SDK2: variants seen among roughly 807,000 people sequenced by gnomAD.
SDK2 encodes the protein sidekick cell adhesion molecule 2, also known as protein sidekick-2.
A neutral mutation model predicts 253.9 loss-of-function variants in SDK2; 105 were observed. The observed-to-expected ratio is 0.41, with a 90% CI of 0.35 to 0.49. SDK2 has a LOEUF of 0.49. Among genes scored for constraint, SDK2 ranks in the 20% least tolerant of loss-of-function variants. The pLI is 0.06. For synonymous variants in SDK2, 1,249 were observed against 1,234.9 expected (o/e 1.01, Z -0.24); for missense variants, 2,608 against 3,003.0 (o/e 0.87, Z 3.07).
At chr17:73,423,803 G>A (rs896929847) in intron 13 of SDK2, 113 bp downstream of exon 13, 19 of 933,708 alleles carry the variant, frequency 2.0e-5, no homozygotes, top group Non-Finnish European at 4.7e-6. Flanking sequence ...AAGCTGAACA[G>A]TTCAGGTCAC....
In SDK2 at chr17:73,642,774, G is replaced by A. The variant is rs541855485; in HGVS notation, c.64+1251C>T. 6.6e-6 allele frequency among the ~76,000 whole-genome samples: 1 copy of A among 152,270 alleles called. No individual in the cohort carries two copies. The highest frequency in any genetic ancestry group is 6.5e-5 in the Admixed American group (1 of 15,306). On this transcript the variant is annotated intron_variant, in intron 1 of 44. Transcript: ENST00000392650. The surrounding 1 kb of genome is among the most constrained non-coding windows in gnomAD (Gnocchi z 4.7). ...TTATTACCCTACATTTATAGGGCTC[G>A]TTACAAAATTTCGAAGTGCTTTTAT...
chr17:73,522,400 G>A lies in SDK2; in HGVS notation c.65-14803C>T, dbSNP rs567857475. On this transcript the variant is annotated intron_variant, in intron 1 of 44. Coordinates refer to ENST00000392650, the MANE Select transcript of SDK2 (RefSeq NM_001144952.2). ...CCCACCTGCTTGGGGAAGCAGAGGA[G>A]TCTGCTGAAGGGGGGCAGTTGGTGG... Among the ~76,000 whole-genome samples the A allele has an allele frequency of 7.2e-5, 11 of 152,248 alleles. No homozygotes were observed. In the South Asian group the frequency reaches 1.4e-3, roughly 20 times the overall value.
At position 73,481,861 on chromosome 17, in the gene SDK2, G is replaced by A. The variant is rs1371613815; in HGVS notation, c.225-9643C>T. 6.6e-6 allele frequency among the ~76,000 whole-genome samples: 1 copy of A among 152,178 alleles called. No individual in the cohort carries two copies. Among genetic ancestry groups the A allele is most frequent in the Non-Finnish European group, 1.5e-5 (1 of 68,036 alleles). ...GTTTCCAGCTTGCAGGCGGCAGTTG[G>A]TGTTCTTGGCTGGCCTCCATAACCA... On this transcript the variant is annotated intron_variant, in intron 2 of 44. Transcript: ENST00000392650. The surrounding 1 kb of genome is among the most constrained non-coding windows in gnomAD (Gnocchi z 4.5).
chr17:73,383,054 T>C lies in SDK2; in HGVS notation c.4705+822A>G, dbSNP rs1211954887. On this transcript the variant is annotated intron_variant, in intron 33 of 44. Transcript: ENST00000392650. The surrounding 1 kb of genome is among the most constrained non-coding windows in gnomAD (Gnocchi z 4.3). ...AAAAAACCCAAAAAACAAAAAAACC[T>C]CAAGTCCTGGAGCATCTGCGCCCAT... Among the ~76,000 whole-genome samples the C allele has an allele frequency of 6.6e-6, 1 of 151,910 alleles. No homozygotes were observed. The highest frequency in any genetic ancestry group is 1.5e-5 in the Non-Finnish European group (1 of 67,984).
At chr17:73,513,095 G>C (rs957003242) in intron 1 of SDK2, among the ~76,000 whole-genome samples, 1 of 151,464 alleles carries the variant, frequency 6.6e-6, no homozygotes. Flanking sequence ...AGCTCCAAAA[G>C]GTCATAAAAC....
rs1372715490 is a variant in SDK2, at chr17:73,447,157, C to G, written c.613+458G>C. On this transcript the variant is annotated intron_variant, in intron 5 of 44. Transcript: ENST00000392650. The surrounding 1 kb of genome is among the most constrained non-coding windows in gnomAD (Gnocchi z 4.0). The stretch of plus-strand genomic sequence containing the variant: ...CCCATCAGCAGGGACCACCTGGCTC[C>G]CAATATAGACAGCACTTCTTATGTG... Among the ~76,000 whole-genome samples, 1 of 152,098 alleles carries G rather than the reference C, an allele frequency of 6.6e-6. No homozygotes were observed. The highest frequency in any genetic ancestry group is 2.4e-5 in the African/African-American group (1 of 41,406).
intron 2 of SDK2, among the ~76,000 whole-genome samples, chr17:73,489,814 A>C (rs2063793419): frequency 6.6e-6 from 1 of 152,140 alleles, no homozygotes; most frequent in South Asian, 2.1e-4. Context: ...GCCCACCGCT[A>C]TATCATCAAT....
chr17:73,376,765 TA>T (rs1170436289), intron 36 of SDK2, among the ~76,000 whole-genome samples: 2 of 152,098 alleles, frequency 1.3e-5, no homozygotes, highest in Non-Finnish European at 2.9e-5. Flanking sequence ...AGGCATATGC[TA>T]GGGGGGCAAT....
intron 2 of SDK2, among the ~76,000 whole-genome samples, chr17:73,488,001 G>A (rs566820434): frequency 1.3e-5 from 2 of 150,954 alleles, no homozygotes; most frequent in Admixed American, 1.3e-4. Context: ...TCTGTATAAC[G>A]GGCAAAGTAA....
At position 73,361,396 on chromosome 17, in the gene SDK2, G is replaced by A. The variant is rs931062239; in HGVS notation, c.5467+288C>T. On this transcript the variant is annotated intron_variant, in intron 39 of 44. Transcript: ENST00000392650. The surrounding 1 kb of genome is among the most constrained non-coding windows in gnomAD (Gnocchi z 4.1). ...TGCAATTAGCAGGGAGAGAAAGAAC[G>A]AAGCAGGCGCAGTGGCCAGGCCAGG... 1.3e-5 allele frequency among the ~76,000 whole-genome samples: 2 copies of A among 152,212 alleles called. No individual in the cohort carries two copies. The highest frequency in any genetic ancestry group is 1.9e-4 in the East Asian group (1 of 5,192).
chr17:73,563,872 A>C (rs544873621), intron 1 of SDK2, among the ~76,000 whole-genome samples: 151 of 151,598 alleles, frequency 1.0e-3, no homozygotes, highest in Non-Finnish European at 1.5e-3. Flanking sequence ...TTCCCAACTC[A>C]AGTCATCCTC....
At chr17:73,614,142 C>G (rs879530409) in intron 1 of SDK2, among the ~76,000 whole-genome samples, 2 of 150,738 alleles carry the variant, frequency 1.3e-5, no homozygotes, top group Non-Finnish European at 3.0e-5. Flanking sequence ...ACTTCATACT[C>G]AGCTGCTTTT....
At chr17:73,351,013 T>C (rs2062533206) in intron 41 of SDK2, among the ~76,000 whole-genome samples, 1 of 152,126 alleles carries the variant, frequency 6.6e-6, no homozygotes, top group Admixed American at 6.5e-5. Context: ...AGTTCTGAGA[T>C]GGCTACCTGG....
chr17:73,395,184 T>C lies in SDK2; in HGVS notation c.3563A>G (p.Gln1188Arg), dbSNP rs768527388. The C allele has an allele frequency of 3.1e-6, 5 of 1,606,004 alleles. No homozygotes were observed. The South Asian group carries it at 5.6e-5, about 18-fold the overall frequency. Residue 1188 changes from glutamine to arginine, a missense_variant, in exon 25 of 45, where the codon CAG becomes CGG. Coordinates refer to ENST00000392650, the MANE Select transcript of SDK2 (RefSeq NM_001144952.2). The surrounding 1 kb of genome is among the most constrained non-coding windows in gnomAD (Gnocchi z 4.3). ...FNAIGSGPWS[Q>R]TVVGRTRESV... is the part of the protein sequence containing the mutation. The stretch of plus-strand genomic sequence containing the variant: ...CTCCCGGGTCCTGCCCACCACCGTC[T>C]GGCTCCAGGGCCCGCTCCCGATGGC...
At chr17:73,548,379 T>A in intron 1 of SDK2, among the ~76,000 whole-genome samples, 1 of 152,254 alleles carries the variant, frequency 6.6e-6, no homozygotes, top group East Asian at 1.9e-4. Context: ...CTCTTCCCTA[T>A]CCCCCCTGCC....
Position 73,395,673 on chromosome 17 carries a change from C to T in SDK2, c.3355-281G>A, listed in dbSNP as rs577383875. ...TTACCCTGCCAAGGGAGTCAGGAGCCACAAAGGCTGTGTGTCTGACACACC... is the reference window on the plus strand; with the variant it reads ...TTACCCTGCCAAGGGAGTCAGGAGCTACAAAGGCTGTGTGTCTGACACACC... On this transcript the variant is annotated intron_variant, in intron 24 of 44. Transcript: ENST00000392650. This position sits in a 1 kb window ranked among gnomAD's most constrained non-coding sequence, Gnocchi z 4.3. 2.0e-5 allele frequency among the ~76,000 whole-genome samples: 3 copies of T among 152,326 alleles called. No individual in the cohort carries two copies. The East Asian group carries it at 5.8e-4, about 29-fold the overall frequency.
intron 3 of SDK2, among the ~76,000 whole-genome samples, chr17:73,470,524 C>T (rs772904762): frequency 6.6e-5 from 10 of 152,224 alleles, no homozygotes; most frequent in South Asian, 4.1e-4. Context: ...GCGAAGCTCC[C>T]GGGGAGCCCT....
Position 73,507,689 on chromosome 17 carries a change from A to G in SDK2, c.65-92T>C, listed in dbSNP as rs9890342. 9,222 of 1,343,680 alleles carry G rather than the reference A, an allele frequency of 6.9e-3. 311 individuals are homozygous for G. In the African/African-American group the frequency reaches 0.076, roughly 11 times the overall value. The allele number at this position is 1,343,680 out of a possible 1,614,324, so 83.2% of individuals were successfully genotyped here. ...TATCCTAAGGCCCTTAGGCAGATGGAGCAGGTGCAGCCAGGTAATTTGCCC... is the reference window on the plus strand; with the variant it reads ...TATCCTAAGGCCCTTAGGCAGATGGGGCAGGTGCAGCCAGGTAATTTGCCC... On this transcript the variant is annotated intron_variant, in intron 1 of 44. Transcript: ENST00000392650.
intron 4 of SDK2, among the ~76,000 whole-genome samples, chr17:73,453,344 G>A (rs1235026177): frequency 6.6e-6 from 1 of 150,604 alleles, no homozygotes; most frequent in Non-Finnish European, 1.5e-5. Flanking sequence ...AAAGAAATGT[G>A]TATTGCTCTA....
Sources: gnomAD v4.1 joint callset for allele counts (sites outside exome capture counted in the v4.1 genomes callset) on GRCh38, gnomAD v4.1.1 for gene constraint, Gnocchi (gnomAD v3.1) non-coding constraint, MANE v1.5 for transcripts, NCBI Gene and HGNC (gene_info 2026-07-23, HGNC 2026-07-21) for gene names.